Variants in ITGA1 observed in about 807,000 individuals in gnomAD.
The protein encoded by ITGA1 is integrin alpha-1.
Under a neutral mutation model 145.9 loss-of-function variants are expected in ITGA1, and 85 were observed. That is an observed-to-expected ratio of 0.58 (90% CI 0.49 to 0.70). The LOEUF (loss-of-function observed/expected upper bound fraction) is 0.70, where lower values mean the gene tolerates loss of function less well. ITGA1 is among the 30% of genes least tolerant of loss of function. ITGA1 has a pLI of 0.00. For synonymous variants in ITGA1, 520 were observed against 495.3 expected (o/e 1.05, Z -0.66); for missense variants, 1,351 against 1,418.7 (o/e 0.95, Z 0.77).
At chr5:52,943,678 G>A (rs1037597555) in intron 26 of ITGA1, among the ~76,000 whole-genome samples, 3 of 152,252 alleles carry the variant, frequency 2.0e-5, no homozygotes, top group South Asian at 4.1e-4. Flanking sequence ...CACCTTTTCC[G>A]AACCAGCCCT....
intron 1 of ITGA1, among the ~76,000 whole-genome samples, chr5:52,805,830 A>G (rs1748580616): frequency 1.3e-5 from 2 of 152,082 alleles, no homozygotes; most frequent in African/African-American, 2.4e-5. Flanking sequence ...GTGAGGAACC[A>G]CAAGAGTCTG....
chr5:52,896,160 T>A (rs1750220405), intron 9 of ITGA1, among the ~76,000 whole-genome samples: 1 of 152,106 alleles, frequency 6.6e-6, no homozygotes, highest in South Asian at 2.1e-4. Flanking sequence ...CAGGGAGAAG[T>A]TTGAAGCAAG....
chr5:52,919,267 C>A (rs183653295), intron 16 of ITGA1, among the ~76,000 whole-genome samples: 16 of 152,250 alleles, frequency 1.1e-4, no homozygotes, highest in Non-Finnish European at 1.9e-4. Context: ...TCTACCATGA[C>A]TCTTCTCTCC....
chr5:52,894,615 G>A (rs1029370456), intron 9 of ITGA1, among the ~76,000 whole-genome samples: 4 of 152,070 alleles, frequency 2.6e-5, no homozygotes, highest in Admixed American at 6.6e-5. Flanking sequence ...GGGAACATGC[G>A]CCTTTTCTCC....
intron 2 of ITGA1, among the ~76,000 whole-genome samples, chr5:52,850,530 A>T (rs951825750): frequency 6.6e-6 from 1 of 152,158 alleles, no homozygotes; most frequent in Non-Finnish European, 1.5e-5. Context: ...ATCTACTTGG[A>T]TAATAAAGAT....
intron 2 of ITGA1, among the ~76,000 whole-genome samples, chr5:52,849,816 G>C (rs543434352): frequency 1.2e-4 from 19 of 152,202 alleles, no homozygotes; most frequent in African/African-American, 4.3e-4. Flanking sequence ...AAATGCACTT[G>C]TTTGAAATTC....
At chr5:52,912,372 A>ATATGTATTATATATAGTGTATCCAGTG (rs1561247086) in intron 14 of ITGA1, among the ~76,000 whole-genome samples, 12 of 145,466 alleles carry the variant, frequency 8.2e-5, no homozygotes, top group African/African-American at 1.7e-4. Flanking sequence ...TGTATCCAGT[A>ATATGTATTATATATAGTGTATCCAGTG]TATGTATTAT....
At chr5:52,881,300 T>C (rs1749953736) in intron 6 of ITGA1, among the ~76,000 whole-genome samples, 1 of 152,164 alleles carries the variant, frequency 6.6e-6, no homozygotes, top group Non-Finnish European at 1.5e-5. Flanking sequence ...ATTCTTAGGG[T>C]AGATCTATCT....
intron 1 of ITGA1, chr5:52,801,118 C>G (rs1748470758): frequency 6.3e-7 from 1 of 1,594,984 alleles, no homozygotes; most frequent in Non-Finnish European, 8.6e-7. Flanking sequence ...CAAATTTCTT[C>G]AGGTAAAACA....
Position 52,929,606 on chromosome 5 carries a change from A to T in ITGA1, c.2695-19A>T, listed in dbSNP as rs1423806799. The T allele has an allele frequency of 7.9e-7, 1 of 1,273,092 alleles. No individual in the cohort carries two copies. Among genetic ancestry groups the T allele is most frequent in the South Asian group, 1.2e-5 (1 of 80,924 alleles). 78.9% of individuals were successfully genotyped at this position (1,273,092 alleles called of 1,614,324 possible). A position where few individuals can be genotyped will look rare whatever the true frequency, so the allele number is the denominator to read the frequency against. Reference sequence around the variant, plus strand: ...GTAAATTTCTTATCTGTTACTAAAGACATATTTTTATTTTATAGGTAACTT... The same window carrying T: ...GTAAATTTCTTATCTGTTACTAAAGTCATATTTTTATTTTATAGGTAACTT... On this transcript the variant is annotated intron_variant, in intron 20 of 28. Transcript: ENST00000282588.
chr5:52,810,898 G>A (rs1449535996), intron 1 of ITGA1, among the ~76,000 whole-genome samples: 1 of 152,084 alleles, frequency 6.6e-6, no homozygotes, highest in Non-Finnish European at 1.5e-5. Context: ...GAAGGTCAAG[G>A]CCTTTTTATA....
In ITGA1 at chr5:52,947,420, G is replaced by A. The variant is rs756560943; in HGVS notation, c.3454G>A (p.Gly1152Arg). The A allele has an allele frequency of 5.6e-6, 9 of 1,613,574 alleles. No individual in the cohort carries two copies. The highest frequency in any genetic ancestry group is 6.8e-6 in the Non-Finnish European group (8 of 1,179,596). The change falls in exon 28 of 29, where the codon GGA becomes AGA. Residue 1152 changes from glycine to arginine, a missense_variant. Gly to Arg is a moderately radical substitution (Grantham distance 125). Transcript: ENST00000282588. ...LWVILLSAFA[G>R]LLLLMLLILA... ...GGTCATCCTGCTGAGTGCTTTTGCC[G>A]GATTGTTGCTGTTAATGCTGCTCAT...
intron 28 of ITGA1, chr5:52,948,810 C>G (rs556483709): frequency 6.6e-6 from 1 of 152,252 alleles, no homozygotes; most frequent in South Asian, 2.1e-4. Flanking sequence ...CTTCTGTTCT[C>G]AGCACTGCAC....
intron 1 of ITGA1, chr5:52,803,275 C>T (rs934773920): frequency 1.3e-5 from 2 of 152,154 alleles, no homozygotes; most frequent in Non-Finnish European, 2.9e-5. Context: ...TTTTGTACAT[C>T]TATCTCCTAA....
chr5:52,854,806 C>G (rs553407326), intron 2 of ITGA1, among the ~76,000 whole-genome samples: 6 of 152,066 alleles, frequency 3.9e-5, no homozygotes, highest in Non-Finnish European at 7.4e-5. Context: ...TTTCTGCTTA[C>G]TAAATATTAT....
Position 52,922,675 on chromosome 5 carries a change from T to C in ITGA1, c.2293-102T>C. The C allele has an allele frequency of 4.0e-6, 3 of 741,608 alleles. No homozygotes were observed. In the East Asian group the frequency reaches 7.5e-5, roughly 19 times the overall value. 45.9% of individuals were successfully genotyped at this position (741,608 alleles called of 1,614,324 possible). ...TGTCAGATTAGATGCACAAGAATGCTGCAGTAAGCCTGACCCTTGGGAACA... is the reference window on the plus strand; with the variant it reads ...TGTCAGATTAGATGCACAAGAATGCCGCAGTAAGCCTGACCCTTGGGAACA... On this transcript the variant is annotated intron_variant, in intron 17 of 28. Coordinates refer to ENST00000282588, the MANE Select transcript of ITGA1 (RefSeq NM_181501.2).
chr5:52,791,526 C>T (rs1561208637), intron 1 of ITGA1, among the ~76,000 whole-genome samples: 1 of 152,188 alleles, frequency 6.6e-6, no homozygotes, highest in Non-Finnish European at 1.5e-5. Context: ...GCTCAGCCTT[C>T]CCATTGGCCA....
rs181588825 is a variant in ITGA1 at position 52,920,279 on chromosome 5, G to A, written c.2156-53G>A. ...GCTAATTTAATAATCTGTACAATATGAGAATCACTTCAAATAAACATTTCC... is the reference window on the plus strand; with the variant it reads ...GCTAATTTAATAATCTGTACAATATAAGAATCACTTCAAATAAACATTTCC... On this transcript the variant is annotated intron_variant, in intron 16 of 28. Transcript: ENST00000282588. The A allele has an allele frequency of 5.0e-3, 6,886 of 1,373,854 alleles. 31 individuals are homozygous for A. Among genetic ancestry groups the A allele is most frequent in the Middle Eastern group, 7.6e-3 (41 of 5,374 alleles). The allele number at this position is 1,373,854 out of a possible 1,614,324, so 85.1% of individuals were successfully genotyped here.
rs558118460 is a variant in ITGA1 at position 52,906,471 on chromosome 5, A to G, written c.1455+563A>G. On this transcript the variant is annotated intron_variant, in intron 12 of 28. Coordinates refer to ENST00000282588, the MANE Select transcript of ITGA1 (RefSeq NM_181501.2). ...TCTTATTAGGTAGTATTGAATATTA[A>G]AAGAAGTTTGGGAAATGATACATGA... is the stretch of plus-strand genomic sequence containing the variant. Among the ~76,000 whole-genome samples, 2 of 152,346 alleles carry G rather than the reference A, an allele frequency of 1.3e-5. 1 individual carries two copies. Among genetic ancestry groups the G allele is most frequent in the South Asian group, 4.1e-4 (2 of 4,834 alleles).
Sources: allele counts gnomAD v4.1 joint callset (sites outside exome capture counted in the v4.1 genomes callset), GRCh38; gene constraint gnomAD v4.1.1; transcripts MANE v1.5; gene names NCBI Gene and HGNC (gene_info 2026-07-23, HGNC 2026-07-21).